HSDL2: variants seen among roughly 807,000 people sequenced by gnomAD.
The protein encoded by HSDL2 is hydroxysteroid dehydrogenase-like protein 2.
HSDL2 carries 27 observed loss-of-function variants against 46.3 expected under a neutral mutation model. The observed-to-expected ratio is 0.58, with a 90% CI of 0.43 to 0.80. The LOEUF is 0.80. Among genes scored for constraint, HSDL2 ranks in the 30% least tolerant of loss-of-function variants. The pLI, the probability that HSDL2 is intolerant of heterozygous loss-of-function variation, is 0.00. For missense variants in HSDL2, 451 were observed against 502.7 expected (o/e 0.90, Z 0.98); for synonymous variants, 153 against 163.6 (o/e 0.94, Z 0.50).
At chr9:112,396,254 C>G (rs1350425129) in intron 1 of HSDL2, among the ~76,000 whole-genome samples, 1 of 152,150 alleles carries the variant, frequency 6.6e-6, no homozygotes, top group East Asian at 1.9e-4. Flanking sequence ...TAAATGTGCT[C>G]TGGTGAACTT....
At chr9:112,419,296 G>A (rs1214647155) in intron 6 of HSDL2, among the ~76,000 whole-genome samples, 9 of 152,104 alleles carry the variant, frequency 5.9e-5, no homozygotes, top group African/African-American at 1.2e-4. Flanking sequence ...GAGCCACCAC[G>A]CCCGGCCTGT....
intron 6 of HSDL2, among the ~76,000 whole-genome samples, chr9:112,431,183 T>G (rs1301080478): frequency 6.6e-6 from 1 of 151,900 alleles, no homozygotes; most frequent in African/African-American, 2.4e-5. Context: ...TTAGGAATTG[T>G]GTGGGGTGTT....
intron 1 of HSDL2, among the ~76,000 whole-genome samples, chr9:112,398,488 C>T (rs1467779708): frequency 6.6e-6 from 1 of 151,790 alleles, no homozygotes; most frequent in African/African-American, 2.4e-5. Context: ...TTGGGGGTGA[C>T]GTTAAGCCAA....
rs913988018 is a variant in HSDL2 at position 112,395,420 on chromosome 9, T to C, written c.18-8575T>C. On this transcript the variant is annotated intron_variant, in intron 1 of 10. Transcript: ENST00000398805. ...GCATACCCTCTTCCCCACGTTATAA[T>C]TGTTCCAGGTTCCCAGGTATTGGTT... Among the ~76,000 whole-genome samples, 5 of 152,230 alleles carry C rather than the reference T, an allele frequency of 3.3e-5. No homozygotes were observed. The South Asian group carries it at 6.2e-4, about 19-fold the overall frequency.
intron 1 of HSDL2, among the ~76,000 whole-genome samples, chr9:112,388,114 G>A (rs1214100437): frequency 6.6e-6 from 1 of 150,414 alleles, no homozygotes; most frequent in African/African-American, 2.5e-5. Flanking sequence ...AGCTGTGATT[G>A]CACCACTGTA....
intron 7 of HSDL2, 134 bp from the exon 8 acceptor site, chr9:112,441,565 C>G (rs1370939091): frequency 1.8e-6 from 1 of 564,988 alleles, no homozygotes; most frequent in African/African-American, 1.9e-5. Context: ...TCAGGTCATT[C>G]GACAGTTCTC....
At chr9:112,409,101 C>A in intron 4 of HSDL2, 80 bp downstream of exon 4, 1 of 779,338 alleles carries the variant, frequency 1.3e-6, no homozygotes, top group Non-Finnish European at 2.2e-6. Context: ...CAGATTTGAG[C>A]CAAATTAACA....
intron 10 of HSDL2, among the ~76,000 whole-genome samples, chr9:112,460,933 T>G (rs146601194): frequency 6.6e-6 from 1 of 152,304 alleles, no homozygotes; most frequent in East Asian, 1.9e-4. Flanking sequence ...ATCATACATA[T>G]GTATATTTGT....
At chr9:112,415,347 A>G (rs894938719) in intron 4 of HSDL2, among the ~76,000 whole-genome samples, 3 of 152,220 alleles carry the variant, frequency 2.0e-5, no homozygotes, top group African/African-American at 4.8e-5. Flanking sequence ...CATGTTTAGT[A>G]TATACATTGT....
intron 8 of HSDL2, among the ~76,000 whole-genome samples, chr9:112,444,610 T>C (rs1832708092): frequency 6.6e-6 from 1 of 151,922 alleles, no homozygotes; most frequent in Admixed American, 6.6e-5. Flanking sequence ...TGATGGTGCA[T>C]GCCTGTAGTC....
chr9:112,469,770 G>GCAAGC (rs1833516078), intron 10 of HSDL2: 1 of 151,818 alleles, frequency 6.6e-6, no homozygotes, highest in Admixed American at 6.6e-5. Flanking sequence ...GTGACCTTGA[G>GCAAGC]CAAGCCAAAA....
At chr9:112,401,817 T>C (rs752945973) in intron 1 of HSDL2, among the ~76,000 whole-genome samples, 4 of 152,230 alleles carry the variant, frequency 2.6e-5, no homozygotes, top group Admixed American at 1.3e-4. Context: ...CTGTTCATTT[T>C]AATTTTGTTC....
intron 6 of HSDL2, among the ~76,000 whole-genome samples, chr9:112,431,540 C>A (rs1043342231): frequency 6.6e-6 from 1 of 152,086 alleles, no homozygotes. Context: ...CAAAATGTCA[C>A]CCCCAGTGTT....
At chr9:112,385,495 ATT>A (rs60858988) in intron 1 of HSDL2, among the ~76,000 whole-genome samples, 2 of 130,848 alleles carry the variant, frequency 1.5e-5, no homozygotes, top group Non-Finnish European at 3.2e-5. Context: ...CACCTGGCTA[ATT>A]TTTTTTTTTT....
intron 10 of HSDL2, among the ~76,000 whole-genome samples, chr9:112,460,475 C>A (rs10739352): frequency 0.96 from 145,430 of 152,254 alleles, 69,519 homozygotes; most frequent in African/African-American, 0.98. Flanking sequence ...TAGGCCAGGC[C>A]TGGTGGCTCG....
At chr9:112,421,421 G>A (rs1237822647) in intron 6 of HSDL2, among the ~76,000 whole-genome samples, 1 of 152,120 alleles carries the variant, frequency 6.6e-6, no homozygotes, top group African/African-American at 2.4e-5. Flanking sequence ...CCTCTACGAG[G>A]AACCACCTTA....
intron 10 of HSDL2, among the ~76,000 whole-genome samples, chr9:112,463,093 C>T (rs139873907): frequency 1.3e-5 from 2 of 152,224 alleles, no homozygotes; most frequent in African/African-American, 4.8e-5. Context: ...TGTTTATTCA[C>T]TCACCAGCTG....
At chr9:112,453,753 G>A (rs1289729447) in intron 8 of HSDL2, among the ~76,000 whole-genome samples, 6 of 152,156 alleles carry the variant, frequency 3.9e-5, no homozygotes, top group African/African-American at 1.4e-4. Flanking sequence ...TTATAGTTTA[G>A]TAGTATTTTT....
At position 112,416,894 on chromosome 9, in the gene HSDL2, A is replaced by T. The variant is rs775369498; in HGVS notation, c.449A>T (p.Asn150Ile). Residue 150 changes from asparagine (N) to isoleucine (I), a missense_variant, in exon 5 of 11, where the codon AAT (asparagine) becomes ATT (isoleucine). Asn to Ile is a moderately radical substitution (Grantham distance 149). Transcript: ENST00000398805. The part of the protein sequence containing the change: ...LKKSKVAHIL[N>I]ISPPLNLNPV... ...AAGAGCAAAGTTGCTCATATCCTCA[A>T]TATCAGTCCACCACTGAACCTAAAT... The T allele has an allele frequency of 8.7e-6, 14 of 1,607,436 alleles. No homozygotes were observed. In the South Asian group the frequency reaches 1.5e-4, roughly 18 times the overall value.
Sources: gnomAD v4.1 joint callset for allele counts (sites outside exome capture counted in the v4.1 genomes callset) on GRCh38, gnomAD v4.1.1 for gene constraint, MANE v1.5 for transcripts, NCBI Gene and HGNC (gene_info 2026-07-23, HGNC 2026-07-21) for gene names.